Variants in AQR observed in about 807,000 individuals in gnomAD.
AQR encodes aquarius intron-binding spliceosomal factor, also known as RNA helicase aquarius.
In AQR, 61 loss-of-function variants were observed where a neutral mutation model predicts 180.5. The ratio of observed to expected loss-of-function variants is 0.34; its 90% CI spans 0.28 to 0.42. The LOEUF is 0.42. Ranked by LOEUF, AQR falls within the 10% of genes least tolerant of loss-of-function variation. The pLI is 1.00. For synonymous variants in AQR, 551 were observed against 588.8 expected, an observed-to-expected ratio of 0.94 and a Z score of 0.93; for missense variants, 1,281 against 1,798.3, an observed-to-expected ratio of 0.71 and a Z score of 5.20.
chr15:34,898,002 T>C (rs745817509), intron 20 of AQR, among the ~76,000 whole-genome samples: 1 of 152,198 alleles, frequency 6.6e-6, no homozygotes, highest in African/African-American at 2.4e-5. Flanking sequence ...CTGTCCTTCA[T>C]TTAATCAGAA....
At chr15:34,863,109 TTCACAGA>T in intron 32 of AQR, 68 bp from the exon 33 acceptor site, 1 of 1,428,190 alleles carries the variant, frequency 7.0e-7, no homozygotes, top group Non-Finnish European at 9.4e-7. Context: ...TTTTTTTTTT[TTCACAGA>T]TTTCATTAGA....
chr15:34,896,970 C>A lies in AQR; in HGVS notation c.2391-4G>T, dbSNP rs144662451. ...ATGAGTGAACTGAATCGTATTACTG[C>A]AAATAAGAGTAAATAAAAAGTTGGT... On this transcript the variant is annotated splice_polypyrimidine_tract_variant and splice_region_variant and intron_variant, in intron 21 of 34. Transcript: ENST00000156471. 3.1e-6 allele frequency: 5 copies of A among 1,608,302 alleles called. No individual in the cohort carries two copies. The highest frequency in any genetic ancestry group is 1.7e-4 in the Middle Eastern group (1 of 6,046).
chr15:34,915,912 C>CTCCA (rs1050707315), intron 15 of AQR, among the ~76,000 whole-genome samples: 1 of 151,396 alleles, frequency 6.6e-6, no homozygotes, highest in African/African-American at 2.4e-5. Flanking sequence ...TGTCCTTGCA[C>CTCCA]TCCAGCCTGG....
intron 6 of AQR, chr15:34,943,163 G>A (rs1244511208): frequency 6.2e-7 from 1 of 1,611,070 alleles, no homozygotes; most frequent in East Asian, 2.2e-5. Flanking sequence ...AGTACAAGAA[G>A]GGCAAGGATT....
intron 20 of AQR, among the ~76,000 whole-genome samples, chr15:34,898,010 G>GA (rs1163710151): frequency 6.6e-6 from 1 of 152,108 alleles, no homozygotes; most frequent in Non-Finnish European, 1.5e-5. Flanking sequence ...CATTTAATCA[G>GA]AAAAAAATTT....
intron 1 of AQR, among the ~76,000 whole-genome samples, chr15:34,967,189 C>T (rs892911287): frequency 6.8e-6 from 1 of 148,092 alleles, no homozygotes; most frequent in Admixed American, 6.7e-5. Context: ...CCACCGCACC[C>T]GGCCCACCCT....
intron 18 of AQR, among the ~76,000 whole-genome samples, chr15:34,906,145 C>T (rs542604198): frequency 2.0e-5 from 3 of 151,720 alleles, no homozygotes; most frequent in South Asian, 2.1e-4. Flanking sequence ...TTTGGGAGGC[C>T]GAGGCAAGTG....
chr15:34,952,996 T>G, intron 3 of AQR, 76 bp from the exon 4 acceptor site: 32 of 800,522 alleles, frequency 4.0e-5, no homozygotes, highest in Non-Finnish European at 5.3e-5. Flanking sequence ...CAAATGCATT[T>G]AGGGATGTTT....
intron 3 of AQR, among the ~76,000 whole-genome samples, chr15:34,954,846 G>A (rs1040156986): frequency 2.0e-5 from 3 of 152,022 alleles, no homozygotes; most frequent in South Asian, 2.1e-4. Flanking sequence ...ATGGAAGGCC[G>A]GGCATGGTGG....
At chr15:34,889,956 A>G (rs895046440) in intron 24 of AQR, among the ~76,000 whole-genome samples, 1 of 152,224 alleles carries the variant, frequency 6.6e-6, no homozygotes, top group Non-Finnish European at 1.5e-5. Context: ...GCAAAAGGCA[A>G]TCTGTTAAAA....
At position 34,863,285 on chromosome 15, in the gene AQR, C is replaced by T. The variant is rs117390355; in HGVS notation, c.3855-244G>A. 3,474 of 369,978 alleles carry T rather than the reference C, an allele frequency of 9.4e-3. 38 individuals are homozygous for T. The highest frequency in any genetic ancestry group is 0.036 in the South Asian group (664 of 18,492). The allele number at this position is 369,978 out of a possible 1,614,324, so 22.9% of individuals were successfully genotyped here. On this transcript the variant is annotated intron_variant, in intron 32 of 34. Transcript: ENST00000156471. ...GGAGGATCACAAAATAACCAATGCA[C>T]TTATTAAAAAGGTCTAAGTAATATA...
At chr15:34,880,528 A>C (rs1233442893) in intron 27 of AQR, among the ~76,000 whole-genome samples, 2 of 152,254 alleles carry the variant, frequency 1.3e-5, no homozygotes, top group African/African-American at 4.8e-5. Context: ...ACAGAAAACT[A>C]AACAAACAAA....
intron 31 of AQR, 176 bp from the exon 32 acceptor site, chr15:34,867,785 A>G (rs752190510): frequency 1.9e-4 from 103 of 539,558 alleles, no homozygotes; most frequent in Non-Finnish European, 2.7e-4. Context: ...AAACCATACT[A>G]ATCAGATCAA....
chr15:34,900,976 A>T, intron 19 of AQR, 113 bp from the exon 20 acceptor site: 1 of 1,401,820 alleles, frequency 7.1e-7, no homozygotes. Flanking sequence ...GTTTCAGAGC[A>T]AGAAGCTATT....
chr15:34,897,773 TG>T, intron 20 of AQR, 68 bp from the exon 21 acceptor site: 1 of 1,503,922 alleles, frequency 6.6e-7, no homozygotes. Flanking sequence ...ATCTGGTGCA[TG>T]ACATTGTATG....
chr15:34,944,292 CTA>C lies in AQR; in HGVS notation c.465_466del (p.Asn155LysfsTer37). On this transcript the variant is annotated frameshift_variant, in exon 6 of 35. Coordinates refer to ENST00000156471, the MANE Select transcript of AQR (RefSeq NM_014691.3). LOFTEE classifies it high-confidence loss of function. ...CAAAATATAAAGTAAAAGTACCAAA[CTA>C]TTGAAGCAATGATCAAGAAAAAGTA... The C allele has an allele frequency of 6.3e-7, 1 of 1,587,648 alleles. No homozygotes were observed. The highest frequency in any genetic ancestry group is 8.5e-7 in the Non-Finnish European group (1 of 1,171,414).
At chr15:34,961,611 T>TG (rs2050279320) in intron 2 of AQR, among the ~76,000 whole-genome samples, 1 of 47,266 alleles carries the variant, frequency 2.1e-5, no homozygotes, top group Non-Finnish European at 3.4e-5. Flanking sequence ...AGACTCCATC[T>TG]CAAAAAAAAA....
intron 18 of AQR, among the ~76,000 whole-genome samples, chr15:34,906,090 A>G (rs1361529924): frequency 6.6e-6 from 1 of 152,008 alleles, no homozygotes; most frequent in Non-Finnish European, 1.5e-5. Context: ...AGAAGTTCTG[A>G]AACTGTCTGG....
chr15:34,906,827 G>T, intron 17 of AQR, 115 bp from the exon 18 acceptor site: 1 of 941,210 alleles, frequency 1.1e-6, no homozygotes, highest in Non-Finnish European at 1.5e-6. Context: ...ATACCGTTGA[G>T]TGACCAATGA....
Sources: allele counts gnomAD v4.1 joint callset (sites outside exome capture counted in the v4.1 genomes callset), GRCh38; gene constraint gnomAD v4.1.1; transcripts MANE v1.5; gene names NCBI Gene and HGNC (gene_info 2026-07-23, HGNC 2026-07-21).